Variants in ERGIC1 observed in about 807,000 individuals in gnomAD.
ERGIC1 encodes endoplasmic reticulum-golgi intermediate compartment 1.
ERGIC1 carries 19 observed loss-of-function variants against 38.3 expected under a neutral mutation model. The observed-to-expected ratio is 0.50, with a 90% CI of 0.35 to 0.73. The LOEUF (loss-of-function observed/expected upper bound fraction) is 0.73. Ranked by LOEUF, ERGIC1 falls within the 30% of genes least tolerant of loss-of-function variation. The probability of loss-of-function intolerance (pLI) is 0.01; values close to 1 mark genes in which losing one functional copy is unlikely to be tolerated. For synonymous variants in ERGIC1, 124 were observed against 157.6 expected, an observed-to-expected ratio of 0.79 and a Z score of 1.60; for missense variants, 294 against 389.2, an observed-to-expected ratio of 0.76 and a Z score of 2.06.
At chr5:172,915,813 C>G in intron 5 of ERGIC1, 1 of 367,832 alleles carries the variant, frequency 2.7e-6, no homozygotes, top group Non-Finnish European at 5.7e-6. Flanking sequence ...CCTGGCTTCT[C>G]CTTGTCCCTC....
Position 172,873,871 on chromosome 5 carries a change from C to T in ERGIC1, c.21-14828C>T, listed in dbSNP as rs536162343. 3.9e-5 allele frequency among the ~76,000 whole-genome samples: 6 copies of T among 152,332 alleles called. 1 individual carries two copies. Among genetic ancestry groups the T allele is most frequent in the Admixed American group, 3.3e-4 (5 of 15,310 alleles). On this transcript the variant is annotated intron_variant, in intron 1 of 9. Coordinates refer to ENST00000393784, the MANE Select transcript of ERGIC1 (RefSeq NM_001031711.3). ...GAAATGCCAGTCCCCTTTCCCGTCC[C>T]TCTGTTGACCTGTGGTAACTCAGGT...
chr5:172,882,986 A>C (rs1286364302), intron 1 of ERGIC1, among the ~76,000 whole-genome samples: 1 of 152,152 alleles, frequency 6.6e-6, no homozygotes, highest in Admixed American at 6.6e-5. Flanking sequence ...AGGCTGGAGT[A>C]CAGTGGAGTC....
At chr5:172,945,408 C>G (rs1764099746) in intron 9 of ERGIC1, among the ~76,000 whole-genome samples, 1 of 152,178 alleles carries the variant, frequency 6.6e-6, no homozygotes, top group Non-Finnish European at 1.5e-5. Flanking sequence ...CGGTCCTGTT[C>G]CTGTATGACT....
intron 9 of ERGIC1, among the ~76,000 whole-genome samples, chr5:172,946,589 G>A (rs1332143377): frequency 1.3e-5 from 2 of 152,212 alleles, no homozygotes; most frequent in South Asian, 2.1e-4. Context: ...TGTTCCAGAA[G>A]GTATGGTGAC....
intron 2 of ERGIC1, among the ~76,000 whole-genome samples, 197 bp downstream of exon 2, chr5:172,888,957 G>T (rs942296717): frequency 6.6e-6 from 1 of 152,158 alleles, no homozygotes; most frequent in African/African-American, 2.4e-5. Flanking sequence ...CAAGGCACAG[G>T]CACCATCTGG....
chr5:172,907,089 C>T (rs553536175), intron 3 of ERGIC1, among the ~76,000 whole-genome samples: 73 of 152,328 alleles, frequency 4.8e-4, no homozygotes, highest in Admixed American at 1.8e-3. Context: ...GCCTGCTCTA[C>T]GTGGGTTCCT....
intron 1 of ERGIC1, among the ~76,000 whole-genome samples, chr5:172,847,444 T>A (rs552046325): frequency 5.9e-5 from 9 of 152,282 alleles, no homozygotes; most frequent in African/African-American, 2.2e-4. Context: ...TTTTTACCCT[T>A]CCACTATTCT....
In ERGIC1 at chr5:172,944,949, G is replaced by A. The variant is rs565756204; in HGVS notation, c.766-5760G>A. On this transcript the variant is annotated intron_variant, in intron 9 of 9. Coordinates refer to ENST00000393784, the MANE Select transcript of ERGIC1 (RefSeq NM_001031711.3). ...CGAGTCACCTTTGCCGCTGCCTTGGGTGTGGAACCCTGTGCCTTTCCTGAG... is the reference window on the plus strand; with the variant it reads ...CGAGTCACCTTTGCCGCTGCCTTGGATGTGGAACCCTGTGCCTTTCCTGAG... Among the ~76,000 whole-genome samples, 6 of 152,340 alleles carry A rather than the reference G, an allele frequency of 3.9e-5. No individual in the cohort carries two copies. In the South Asian group the frequency reaches 1.0e-3, roughly 26 times the overall value.
intron 3 of ERGIC1, among the ~76,000 whole-genome samples, chr5:172,899,192 G>A (rs1762807803): frequency 6.6e-6 from 1 of 152,110 alleles, no homozygotes; most frequent in Non-Finnish European, 1.5e-5. Flanking sequence ...GTATGTGAAG[G>A]CAGGAAGAAG....
At chr5:172,844,283 C>T (rs1214555202) in intron 1 of ERGIC1, among the ~76,000 whole-genome samples, 1 of 152,190 alleles carries the variant, frequency 6.6e-6, no homozygotes, top group Non-Finnish European at 1.5e-5. Flanking sequence ...GGGCCATGGC[C>T]ACCTGGAGCG....
At chr5:172,900,503 C>T (rs752952022) in intron 3 of ERGIC1, among the ~76,000 whole-genome samples, 26 of 151,942 alleles carry the variant, frequency 1.7e-4, no homozygotes, top group Non-Finnish European at 2.8e-4. Context: ...CCCAGGAGTT[C>T]GAGACCAGCC....
intron 1 of ERGIC1, among the ~76,000 whole-genome samples, chr5:172,877,565 C>A (rs534808443): frequency 1.3e-5 from 2 of 149,998 alleles, no homozygotes. Context: ...GTTCAAGCAC[C>A]ACCCCCCTGA....
At chr5:172,890,578 A>G (rs1226384688) in intron 2 of ERGIC1, among the ~76,000 whole-genome samples, 1 of 152,252 alleles carries the variant, frequency 6.6e-6, no homozygotes, top group Non-Finnish European at 1.5e-5. Context: ...TACAGTAAAA[A>G]GTTTTAAAAA....
chr5:172,943,862 G>C (rs1044192548), intron 9 of ERGIC1, among the ~76,000 whole-genome samples: 1 of 152,182 alleles, frequency 6.6e-6, no homozygotes, highest in Non-Finnish European at 1.5e-5. Context: ...TTTAGTTCCC[G>C]CTCCAGTGCG....
Position 172,841,820 on chromosome 5 carries a change from A to G in ERGIC1, c.20+7387A>G, listed in dbSNP as rs368998447. Among the ~76,000 whole-genome samples, 8 of 152,202 alleles carry G rather than the reference A, an allele frequency of 5.3e-5. No individual in the cohort carries two copies. The East Asian group carries it at 1.2e-3, about 22-fold the overall frequency. ...TCACACTGGCCTTACAGACAGATAC[A>G]ATGATTCATGATTTATTTTCTTTGT... On this transcript the variant is annotated intron_variant, in intron 1 of 9. Coordinates refer to ENST00000393784, the MANE Select transcript of ERGIC1 (RefSeq NM_001031711.3).
intron 1 of ERGIC1, among the ~76,000 whole-genome samples, chr5:172,886,395 C>G (rs1197536925): frequency 1.3e-5 from 2 of 152,104 alleles, no homozygotes; most frequent in Admixed American, 1.3e-4. Context: ...GGAAGCTTCA[C>G]CGAGGACCCC....
At position 172,914,986 on chromosome 5, in the gene ERGIC1, T is replaced by C. The variant is rs201701236; in HGVS notation, c.375+148T>C. The C allele has an allele frequency of 2.0e-3, 2,628 of 1,300,734 alleles. 8 individuals carry two copies. The highest frequency in any genetic ancestry group is 2.7e-3 in the Non-Finnish European group (2,447 of 917,296). The allele number at this position is 1,300,734 out of a possible 1,614,324, so 80.6% of individuals were successfully genotyped here. ...GGGTTCGTGTCCAGCTGCCTGGCCGTTCCTGCTGAGAATCTGGATGGGGGT... is the reference window on the plus strand; with the variant it reads ...GGGTTCGTGTCCAGCTGCCTGGCCGCTCCTGCTGAGAATCTGGATGGGGGT... On this transcript the variant is annotated intron_variant, in intron 5 of 9. Coordinates refer to ENST00000393784, the MANE Select transcript of ERGIC1 (RefSeq NM_001031711.3).
chr5:172,869,675 G>A (rs1375363465), intron 1 of ERGIC1, among the ~76,000 whole-genome samples: 2 of 152,180 alleles, frequency 1.3e-5, no homozygotes, highest in Non-Finnish European at 2.9e-5. Flanking sequence ...TGCATTATTG[G>A]TTTAGAGATG....
In ERGIC1 at chr5:172,863,140, AG is replaced by A. The variant is rs560096392; in HGVS notation, c.21-25556del. Among the ~76,000 whole-genome samples, 224 of 152,296 alleles carry A rather than the reference AG, an allele frequency of 1.5e-3. 1 individual carries two copies. The Middle Eastern group carries it at 0.017, about 12-fold the overall frequency. On this transcript the variant is annotated intron_variant, in intron 1 of 9. Coordinates refer to ENST00000393784, the MANE Select transcript of ERGIC1 (RefSeq NM_001031711.3). ...TAATTTTTGTATTTTTAGTAGAGGC[AG>A]GGTTTCGTCATATTGGCCAGGCTGC...
Sources: gnomAD v4.1 joint callset for allele counts (sites outside exome capture counted in the v4.1 genomes callset) on GRCh38, gnomAD v4.1.1 for gene constraint, MANE v1.5 for transcripts, NCBI Gene and HGNC (gene_info 2026-07-23, HGNC 2026-07-21) for gene names.